The following SLC16A12 variants were observed in gnomAD, a reference collection of about 807,000 sequenced individuals.
The protein encoded by SLC16A12 is solute carrier family 16 member 12.
Under a neutral mutation model 42.4 loss-of-function variants are expected in SLC16A12, and 17 were observed. The ratio of observed to expected loss-of-function variants is 0.40; its 90% CI spans 0.27 to 0.60. SLC16A12 has a LOEUF of 0.60. Among genes scored for constraint, SLC16A12 ranks in the 20% least tolerant of loss-of-function variants. SLC16A12 has a pLI of 0.42. For synonymous variants in SLC16A12, 224 were observed against 229.4 expected, an observed-to-expected ratio of 0.98 and a Z score of 0.21; for missense variants, 544 against 623.0, an observed-to-expected ratio of 0.87 and a Z score of 1.35.
At chr10:89,527,430 C>T (rs988146140) in intron 2 of SLC16A12, among the ~76,000 whole-genome samples, 4 of 151,894 alleles carry the variant, frequency 2.6e-5, no homozygotes, top group Middle Eastern at 6.8e-3. Flanking sequence ...TTGCAGCAAG[C>T]CGAGATCATG....
intron 2 of SLC16A12, among the ~76,000 whole-genome samples, chr10:89,472,691 C>CT (rs1169503801): frequency 6.6e-6 from 1 of 151,876 alleles, no homozygotes; most frequent in African/African-American, 2.4e-5. Flanking sequence ...TGGGATTTCA[C>CT]TATGTTGGCC....
chr10:89,555,188 T>C (rs77461457), intron 2 of SLC16A12, among the ~76,000 whole-genome samples: 1 of 151,820 alleles, frequency 6.6e-6, no homozygotes, highest in Non-Finnish European at 1.5e-5. Flanking sequence ...CTTTTTTTTT[T>C]CAAGATAGTG....
rs376482373 is a variant in SLC16A12, at chr10:89,456,947, G to C, written c.200+5432C>G. On this transcript the variant is annotated intron_variant, in intron 3 of 7. Coordinates refer to ENST00000371790, the MANE Select transcript of SLC16A12 (RefSeq NM_213606.4). ...ATATGTACCACATTTTCTTTATCCA[G>C]TCTATCACTGATGGGCATTTGGGTT... Among the ~76,000 whole-genome samples the C allele has an allele frequency of 3.3e-5, 5 of 152,168 alleles. No individual in the cohort carries two copies. In the East Asian group the frequency reaches 9.7e-4, roughly 29 times the overall value.
intron 2 of SLC16A12, among the ~76,000 whole-genome samples, chr10:89,511,137 G>A (rs1037730995): frequency 3.3e-5 from 5 of 152,186 alleles, no homozygotes; most frequent in African/African-American, 7.2e-5. Flanking sequence ...TGGTGGGAGC[G>A]TAAATTAGTT....
intron 7 of SLC16A12, among the ~76,000 whole-genome samples, 171 bp from the exon 8 acceptor site, chr10:89,433,497 TTC>T (rs1174657866): frequency 6.6e-6 from 1 of 152,200 alleles, no homozygotes; most frequent in Non-Finnish European, 1.5e-5. Context: ...GAAAAATACA[TTC>T]TGTTTTCCAG....
chr10:89,542,801 T>C (rs1180660542), intron 2 of SLC16A12, among the ~76,000 whole-genome samples: 2 of 152,294 alleles, frequency 1.3e-5, no homozygotes, highest in East Asian at 1.9e-4. Flanking sequence ...CTATTCCCCA[T>C]ATTTACTTCA....
At chr10:89,490,607 T>G (rs1564587519) in intron 2 of SLC16A12, among the ~76,000 whole-genome samples, 1 of 152,150 alleles carries the variant, frequency 6.6e-6, no homozygotes, top group African/African-American at 2.4e-5. Context: ...AGGCAAGGTA[T>G]GGGGGGCCGG....
chr10:89,469,942 T>C (rs1171520145), intron 2 of SLC16A12, among the ~76,000 whole-genome samples: 1 of 152,244 alleles, frequency 6.6e-6, no homozygotes, highest in African/African-American at 2.4e-5. Flanking sequence ...TCTTTGTTAT[T>C]GCTTAAGAAT....
rs1841801410 is a variant in SLC16A12, at chr10:89,436,872, G to GA, written c.1029-554dup. 1.0e-3 allele frequency among the ~76,000 whole-genome samples: 81 copies of GA among 80,906 alleles called. 1 individual carries two copies. Among genetic ancestry groups the GA allele is most frequent in the African/African-American group, 3.2e-3 (78 of 24,640 alleles). The allele number at this position is 80,906 out of a possible 152,430, so 53.1% of individuals were successfully genotyped here. The stretch of plus-strand genomic sequence containing the variant: ...AAGAAAAGAAAGAAATAAAGAAAAA[G>GA]AAAGAAAGAAAGAAAGAAAGAAAGA... On this transcript the variant is annotated intron_variant, in intron 6 of 7. Coordinates refer to ENST00000371790, the MANE Select transcript of SLC16A12 (RefSeq NM_213606.4).
At chr10:89,513,726 AGG>A in intron 2 of SLC16A12, among the ~76,000 whole-genome samples, 1 of 152,220 alleles carries the variant, frequency 6.6e-6, no homozygotes, top group Admixed American at 6.5e-5. Context: ...CAGTAGAACA[AGG>A]GACTAGTCAG....
Position 89,433,285 on chromosome 10 carries a change from G to C in SLC16A12, c.1330C>G (p.Leu444Val), listed in dbSNP as rs182434308. ...DTTGSYTAAF[L>V]LCGFSMIFSS... ...AATATCATTGAAAATCCACAGAGGA[G>C]GAATGCTGCAGTGTAGCTGCCGGTG... The change falls in exon 8 of 8, where the codon CTC (leucine) becomes GTC (valine). Residue 444 changes from leucine to valine, a missense_variant. Physicochemically the swap from Leu to Val is conservative, Grantham distance 32. Transcript: ENST00000371790. 6.2e-7 allele frequency: 1 copy of C among 1,614,156 alleles called. No individual in the cohort carries two copies. The highest frequency in any genetic ancestry group is 2.2e-5 in the East Asian group (1 of 44,888).
chr10:89,542,232 T>C (rs1843719587), intron 2 of SLC16A12, among the ~76,000 whole-genome samples: 1 of 152,170 alleles, frequency 6.6e-6, no homozygotes, highest in African/African-American at 2.4e-5. Context: ...ATTATTATTA[T>C]ATGCTAACAA....
chr10:89,492,046 A>G (rs1233277657), intron 2 of SLC16A12, among the ~76,000 whole-genome samples: 3 of 152,230 alleles, frequency 2.0e-5, no homozygotes, highest in African/African-American at 7.2e-5. Context: ...GGATAATATC[A>G]AAATAAGTTA....
chr10:89,475,391 G>T (rs1315408121), intron 2 of SLC16A12, among the ~76,000 whole-genome samples: 2 of 152,176 alleles, frequency 1.3e-5, no homozygotes. Flanking sequence ...GCTTAGGCTT[G>T]CACAGTCTCT....
intron 2 of SLC16A12, among the ~76,000 whole-genome samples, chr10:89,481,053 T>C (rs1842653963): frequency 2.0e-5 from 3 of 152,172 alleles, no homozygotes; most frequent in African/African-American, 7.2e-5. Context: ...TAAAAGCCTC[T>C]ATAAATGACA....
At chr10:89,483,010 T>C (rs1031221320) in intron 2 of SLC16A12, among the ~76,000 whole-genome samples, 2 of 152,144 alleles carry the variant, frequency 1.3e-5, no homozygotes, top group Non-Finnish European at 2.9e-5. Context: ...AAACGGAAAT[T>C]TACTTTCTCA....
intron 2 of SLC16A12, among the ~76,000 whole-genome samples, chr10:89,464,740 C>CT (rs1349171018): frequency 3.3e-5 from 5 of 152,124 alleles, no homozygotes; most frequent in Non-Finnish European, 5.9e-5. Context: ...AAATTGGTGG[C>CT]TTGTGACTTC....
intron 2 of SLC16A12, chr10:89,468,240 G>A (rs1011360323): frequency 1.3e-5 from 2 of 152,228 alleles, no homozygotes; most frequent in Non-Finnish European, 2.9e-5. Context: ...TGGGACACCA[G>A]GGTGGGGAGA....
Position 89,438,912 on chromosome 10 carries a change from A to C in SLC16A12, c.720T>G (p.His240Gln). The change falls in exon 6 of 8, where the codon CAT (histidine) becomes CAG (glutamine). Residue 240 changes from histidine (H) to glutamine (Q), a missense_variant. By Grantham distance (24) the His-to-Gln change is conservative. Coordinates refer to ENST00000371790, the MANE Select transcript of SLC16A12 (RefSeq NM_213606.4). The part of the protein sequence containing the change: ...KEDHTTPEQN[H>Q]VCRTQKEDIK... ...TGTCTTCTTTCTGAGTTCTACACAC[A>C]TGGTTCTGCTCTGGAGTTGTGTGGT... 1 of 1,614,176 alleles carries C rather than the reference A, an allele frequency of 6.2e-7. No homozygotes were observed.
Sources: gnomAD v4.1 joint callset for allele counts (sites outside exome capture counted in the v4.1 genomes callset) on GRCh38, gnomAD v4.1.1 for gene constraint, MANE v1.5 for transcripts, NCBI Gene and HGNC (gene_info 2026-07-23, HGNC 2026-07-21) for gene names.